Variants in SPRY3 observed in about 807,000 individuals in gnomAD.
The protein encoded by SPRY3 is protein sprouty homolog 3.
Under a neutral mutation model 20.2 loss-of-function variants are expected in SPRY3, and 15 were observed. That is an observed-to-expected ratio of 0.74 (90% confidence interval 0.50 to 1.14). The LOEUF (loss-of-function observed/expected upper bound fraction) is 1.14. SPRY3 is among the 50% of genes most tolerant of loss of function. The probability of loss-of-function intolerance (pLI) is 0.00; values close to 1 mark genes in which losing one functional copy is unlikely to be tolerated. For synonymous variants in SPRY3, 143 were observed against 136.5 expected, an observed-to-expected ratio of 1.05 and a Z score of -0.33; for missense variants, 364 against 363.9, an observed-to-expected ratio of 1.00 and a Z score of 0.00.
intron 2 of SPRY3, among the ~76,000 whole-genome samples, chrX:155,767,162 T>C (rs1200273071): frequency 1.3e-5 from 2 of 151,932 alleles, no homozygotes; most frequent in African/African-American, 4.8e-5. Context: ...TTCAATTTCA[T>C]CTGGATGACG....
At chrX:155,750,003 G>T (rs1284906827) in intron 2 of SPRY3, among the ~76,000 whole-genome samples, 1 of 151,688 alleles carries the variant, frequency 6.6e-6, no homozygotes, top group Non-Finnish European at 1.5e-5. Flanking sequence ...CAATAGAAGA[G>T]GACCAAGGAT....
At chrX:155,754,098 C>T (rs762695591) in intron 2 of SPRY3, among the ~76,000 whole-genome samples, 5 of 151,952 alleles carry the variant, frequency 3.3e-5, no homozygotes, top group African/African-American at 9.6e-5. Context: ...TTTGAAGAAA[C>T]GTAATTTATC....
chrX:155,755,746 G>T (rs1371265348), intron 2 of SPRY3, among the ~76,000 whole-genome samples: 1 of 152,082 alleles, frequency 6.6e-6, no homozygotes, highest in Non-Finnish European at 1.5e-5. Flanking sequence ...TAGCCTTTGG[G>T]CATCTGCTTT....
At chrX:155,740,729 T>G (rs1469506474) in intron 2 of SPRY3, among the ~76,000 whole-genome samples, 1 of 152,168 alleles carries the variant, frequency 6.6e-6, no homozygotes, top group Admixed American at 6.5e-5. Context: ...TCAGTAGTTA[T>G]GTTTTGCCTT....
intron 2 of SPRY3, among the ~76,000 whole-genome samples, chrX:155,752,774 A>T (rs933440314): frequency 1.3e-5 from 2 of 151,866 alleles, no homozygotes; most frequent in Admixed American, 1.3e-4. Flanking sequence ...GTGTGAGAAA[A>T]TGAGCATTCT....
At chrX:155,762,592 CAAAT>C (rs1569397951) in intron 2 of SPRY3, among the ~76,000 whole-genome samples, 2 of 151,962 alleles carry the variant, frequency 1.3e-5, no homozygotes, top group African/African-American at 4.8e-5. Context: ...GATGTCATCT[CAAAT>C]AAAAGAGAAA....
chrX:155,670,200 A>G (rs2068036024), intron 2 of SPRY3, among the ~76,000 whole-genome samples: 1 of 111,640 alleles, frequency 9.0e-6, no homozygotes. Context: ...TGGTTCTAGA[A>G]CTTGTGCTCA....
At chrX:155,638,973 T>C (rs2067933071) in intron 1 of SPRY3, among the ~76,000 whole-genome samples, 2 of 111,388 alleles carry the variant, frequency 1.8e-5, no homozygotes, top group Non-Finnish European at 3.8e-5. Flanking sequence ...AGCTCACTGC[T>C]TATTTCAAAG....
chrX:155,770,315 G>C (rs1385612880), intron 3 of SPRY3, among the ~76,000 whole-genome samples: 1 of 152,144 alleles, frequency 6.6e-6, no homozygotes, highest in East Asian at 1.9e-4. Context: ...GCAGATTTTA[G>C]GTTCCAGGGA....
At chrX:155,767,695 GAGGAGAAAGAAGAGGAGGAGGAGAA>G in intron 2 of SPRY3, 2 of 134,922 alleles carry the variant, frequency 1.5e-5, no homozygotes. Flanking sequence ...GGCGGAGGAG[GAGGAGAAAGAAGAGGAGGAGGAGAA>G]AGAGGAGGAG....
chrX:155,762,978 C>T (rs1229566867), intron 2 of SPRY3, among the ~76,000 whole-genome samples: 1 of 152,128 alleles, frequency 6.6e-6, no homozygotes, highest in Non-Finnish European at 1.5e-5. Context: ...GGGTGCCCAT[C>T]AGCAGTGGAT....
chrX:155,645,237 CA>C (rs1469322187), intron 1 of SPRY3, among the ~76,000 whole-genome samples: 1 of 112,019 alleles, frequency 8.9e-6, no homozygotes, highest in Non-Finnish European at 1.9e-5. Context: ...CTCTTCTTTT[CA>C]AGTAGATGAA....
rs762854594 is a variant in SPRY3, at chrX:155,739,587, G to C, written c.-281-28375G>C. On this transcript the variant is annotated intron_variant, in intron 2 of 3. Transcript: ENST00000675360. Reference sequence around the variant, plus strand: ...ACCAGCATCAGGTCGGTGACCACTGGGATGGAGCTTTCAGAAGAAGGAGCC... The same window carrying C: ...ACCAGCATCAGGTCGGTGACCACTGCGATGGAGCTTTCAGAAGAAGGAGCC... Among the ~76,000 whole-genome samples, 4 of 152,262 alleles carry C rather than the reference G, an allele frequency of 2.6e-5. No individual in the cohort carries two copies. In the East Asian group the frequency reaches 7.7e-4, roughly 29 times the overall value.
downstream of SPRY3, chrX:155,779,474 C>G (rs1440847100): frequency 6.0e-6 from 1 of 166,878 alleles, no homozygotes; most frequent in Admixed American, 6.6e-5. Context: ...TAAAGGGCTT[C>G]TTTTTTATAT....
intron 1 of SPRY3, among the ~76,000 whole-genome samples, chrX:155,622,004 C>T (rs1300903961): frequency 2.7e-5 from 3 of 110,579 alleles, no homozygotes; most frequent in African/African-American, 9.8e-5. Flanking sequence ...ACTATCAAGT[C>T]AGTATCTCTG....
At chrX:155,654,682 C>T (rs1446663672) in intron 1 of SPRY3, among the ~76,000 whole-genome samples, 1 of 76,627 alleles carries the variant, frequency 1.3e-5, no homozygotes, top group Non-Finnish European at 2.5e-5. Flanking sequence ...GCATAGTATT[C>T]CATGGTGTGT....
In SPRY3 at chrX:155,740,834, C is replaced by G. The variant is rs185156631; in HGVS notation, c.-281-27128C>G. 6.6e-3 allele frequency among the ~76,000 whole-genome samples: 1,007 copies of G among 152,078 alleles called. 13 individuals carry two copies. Among genetic ancestry groups the G allele is most frequent in the Middle Eastern group, 0.058 (17 of 294 alleles). ...GACCTACTCCCTGTTCATACACCCC[C>G]TCCCCTTTTGAAACCCTTAATAAAA... On this transcript the variant is annotated intron_variant, in intron 2 of 3. Transcript: ENST00000675360.
intron 2 of SPRY3, among the ~76,000 whole-genome samples, chrX:155,684,197 A>G (rs2068081484): frequency 9.0e-6 from 1 of 110,809 alleles, no homozygotes; most frequent in East Asian, 2.8e-4. Flanking sequence ...GAGGGGATGT[A>G]GTTTTGAAGG....
intron 2 of SPRY3, among the ~76,000 whole-genome samples, chrX:155,666,544 A>G (rs1167821463): frequency 9.0e-6 from 1 of 111,350 alleles, no homozygotes; most frequent in African/African-American, 3.3e-5. Context: ...AGAAGCGTAA[A>G]CAGATTTTTG....
Sources: allele counts gnomAD v4.1 joint callset (sites outside exome capture counted in the v4.1 genomes callset), GRCh38; gene constraint gnomAD v4.1.1; transcripts MANE v1.5; gene names NCBI Gene and HGNC (gene_info 2026-07-23, HGNC 2026-07-21).